GSTCD: variants seen among roughly 807,000 people sequenced by gnomAD.
The protein encoded by GSTCD is glutathione S-transferase C-terminal domain-containing protein.
A neutral mutation model predicts 68.3 loss-of-function variants in GSTCD; 44 were observed. The ratio of observed to expected loss-of-function variants is 0.64; its 90% CI spans 0.51 to 0.83. GSTCD has a LOEUF of 0.83. Ranked by LOEUF, GSTCD falls within the 40% of genes least tolerant of loss-of-function variation. The pLI, the probability that GSTCD is intolerant of heterozygous loss-of-function variation, is 0.00. For missense variants in GSTCD, 739 were observed against 735.9 expected, an observed-to-expected ratio of 1.00 and a Z score of -0.05; for synonymous variants, 273 against 255.2, an observed-to-expected ratio of 1.07 and a Z score of -0.67.
At chr4:105,717,405 A>G (rs1436469923) in intron 1 of GSTCD, among the ~76,000 whole-genome samples, 188 bp from the exon 2 acceptor site, 1 of 152,176 alleles carries the variant, frequency 6.6e-6, no homozygotes. Context: ...ATGCTAGTTA[A>G]TTGCACAGGG....
intron 11 of GSTCD, 72 bp downstream of exon 11, chr4:105,842,206 A>G: frequency 8.2e-7 from 1 of 1,215,808 alleles, no homozygotes; most frequent in Non-Finnish European, 1.2e-6. Context: ...GACCAAGTCT[A>G]TATGGGAAAA....
chr4:105,758,357 C>T lies in GSTCD; in HGVS notation c.1240+28858C>T, dbSNP rs555408312. On this transcript the variant is annotated intron_variant, in intron 5 of 11. Transcript: ENST00000515279. ...TAATCCCCAGTGCTGGAGGTGGGGC[C>T]TGGTGGGAGGCGTTTGGGTCATAGG... 2.6e-5 allele frequency among the ~76,000 whole-genome samples: 4 copies of T among 152,236 alleles called. No homozygotes were observed. The South Asian group carries it at 8.3e-4, about 32-fold the overall frequency.
intron 8 of GSTCD, among the ~76,000 whole-genome samples, chr4:105,827,647 C>A (rs777722287): frequency 1.3e-4 from 20 of 151,718 alleles, no homozygotes; most frequent in Admixed American, 3.9e-4. Flanking sequence ...AGTATACACA[C>A]AAAAAAATTT....
intron 5 of GSTCD, among the ~76,000 whole-genome samples, chr4:105,790,663 C>T (rs1345794546): frequency 1.3e-5 from 2 of 151,878 alleles, no homozygotes; most frequent in African/African-American, 2.4e-5. Flanking sequence ...AAAAAGCAAA[C>T]GGCAGCAGTA....
At chr4:105,834,721 G>A in intron 9 of GSTCD, 127 bp downstream of exon 9, 1 of 741,194 alleles carries the variant, frequency 1.3e-6, no homozygotes, top group Non-Finnish European at 2.1e-6. Flanking sequence ...GCCAAATATT[G>A]TTTGTAAATT....
chr4:105,763,833 T>C (rs1235811553), intron 5 of GSTCD, among the ~76,000 whole-genome samples: 1 of 152,134 alleles, frequency 6.6e-6, no homozygotes, highest in Non-Finnish European at 1.5e-5. Flanking sequence ...TGCTTTTACA[T>C]TGAATCAAAA....
chr4:105,764,394 T>A (rs1157134538), intron 5 of GSTCD, among the ~76,000 whole-genome samples: 1 of 152,168 alleles, frequency 6.6e-6, no homozygotes, highest in East Asian at 1.9e-4. Context: ...TGCAACAGAT[T>A]TAGAGAAAGA....
chr4:105,845,994 T>A lies in GSTCD; in HGVS notation c.*417T>A, dbSNP rs897839075. ...GGAACTGAAAGTAGACTCAGTGGAG[T>A]TTTTTGTTTTTTATATTTTTAACAA... On this transcript the variant is annotated 3_prime_UTR_variant, in exon 12 of 12. Transcript: ENST00000515279. 2.5e-5 allele frequency: 4 copies of A among 158,836 alleles called. No homozygotes were observed. Among genetic ancestry groups the A allele is most frequent in the African/African-American group, 9.6e-5 (4 of 41,532 alleles). The allele number at this position is 158,836 out of a possible 1,614,324, so 9.8% of individuals were successfully genotyped here.
Position 105,761,250 on chromosome 4 carries a change from C to T in GSTCD, c.1240+31751C>T, listed in dbSNP as rs202102803. ...AACTCCTGACCTCAAGTGATCCAGC[C>T]GCCTCAGCCTCCCAAAGTGCCAGGA... On this transcript the variant is annotated intron_variant, in intron 5 of 11. Coordinates refer to ENST00000515279, the MANE Select transcript of GSTCD (RefSeq NM_001370181.1). 2.9e-4 allele frequency: 48 copies of T among 165,708 alleles called. 1 individual carries two copies. The East Asian group carries it at 7.6e-3, about 26-fold the overall frequency. 10.3% of individuals were successfully genotyped at this position (165,708 alleles called of 1,614,324 possible).
intron 5 of GSTCD, among the ~76,000 whole-genome samples, chr4:105,790,419 G>A (rs1053210623): frequency 1.3e-5 from 2 of 152,050 alleles, no homozygotes; most frequent in African/African-American, 2.4e-5. Flanking sequence ...AGGGAGGATC[G>A]CTTGAGGCCA....
chr4:105,789,404 G>C (rs1735581361), intron 5 of GSTCD, among the ~76,000 whole-genome samples: 1 of 152,004 alleles, frequency 6.6e-6, no homozygotes, highest in South Asian at 2.1e-4. Flanking sequence ...TGTGTAGGCT[G>C]GGCTGTGGTC....
chr4:105,715,679 T>A, intron 1 of GSTCD, among the ~76,000 whole-genome samples: 1 of 126,168 alleles, frequency 7.9e-6, no homozygotes, highest in Non-Finnish European at 1.7e-5. Flanking sequence ...CAGATTTTTT[T>A]AAAAAAGGGA....
In GSTCD at chr4:105,829,204, A is replaced by G. The variant is rs188093490; in HGVS notation, c.1530+3404A>G. On this transcript the variant is annotated intron_variant, in intron 8 of 11. Transcript: ENST00000515279. ...GCTATAATTAAAAAAAAAAAAAAAA[A>G]AAAGAAAGGCACCTATCCAGGCTTT... is the stretch of plus-strand genomic sequence containing the variant. 4.3e-3 allele frequency among the ~76,000 whole-genome samples: 658 copies of G among 151,684 alleles called. 2 individuals are homozygous for G. Among genetic ancestry groups the G allele is most frequent in the Middle Eastern group, 0.021 (6 of 292 alleles).
intron 5 of GSTCD, among the ~76,000 whole-genome samples, chr4:105,754,970 A>G (rs985533917): frequency 6.9e-6 from 1 of 145,974 alleles, no homozygotes; most frequent in Non-Finnish European, 1.5e-5. Context: ...CTGTAATCCC[A>G]GCACTTTGGG....
intron 5 of GSTCD, among the ~76,000 whole-genome samples, chr4:105,732,901 T>C (rs1015739908): frequency 3.9e-5 from 6 of 152,150 alleles, no homozygotes; most frequent in Non-Finnish European, 7.4e-5. Context: ...TCTTTGTTCT[T>C]ATTGGTTTCA....
In GSTCD at chr4:105,845,124, T is replaced by C. The variant is rs185990007; in HGVS notation, c.1766-317T>C. On this transcript the variant is annotated intron_variant, in intron 11 of 11. Coordinates refer to ENST00000515279, the MANE Select transcript of GSTCD (RefSeq NM_001370181.1). The stretch of plus-strand genomic sequence containing the variant: ...TTTTATAGGGAAAGCAGAGAAAAGG[T>C]CTTTAAATGTATTTTTAACCAAAGT... 4.0e-3 allele frequency among the ~76,000 whole-genome samples: 613 copies of C among 152,306 alleles called. 2 individuals carry two copies. The highest frequency in any genetic ancestry group is 4.5e-3 in the Admixed American group (69 of 15,290).
At chr4:105,791,342 G>A (rs1477191499) in intron 5 of GSTCD, among the ~76,000 whole-genome samples, 2 of 148,310 alleles carry the variant, frequency 1.3e-5, no homozygotes, top group Non-Finnish European at 3.0e-5. Flanking sequence ...GCAGTGAGCC[G>A]AGATCGCGCC....
chr4:105,827,493 G>A (rs1268512370), intron 8 of GSTCD, among the ~76,000 whole-genome samples: 1 of 152,044 alleles, frequency 6.6e-6, no homozygotes, highest in Non-Finnish European at 1.5e-5. Flanking sequence ...TATAGAAAAT[G>A]GATTAAAATT....
Position 105,830,940 on chromosome 4 carries a change from T to A in GSTCD, c.1531-3521T>A, listed in dbSNP as rs185437416. 5.6e-3 allele frequency among the ~76,000 whole-genome samples: 853 copies of A among 152,248 alleles called. 4 individuals carry two copies. The highest frequency in any genetic ancestry group is 8.9e-3 in the Non-Finnish European group (604 of 68,018). On this transcript the variant is annotated intron_variant, in intron 8 of 11. Transcript: ENST00000515279. ...CCTAGTAGAAAGATAATAAATAATG[T>A]CTAATATTTACAAATCAAGAGATAT...
Sources: gnomAD v4.1 joint callset for allele counts (sites outside exome capture counted in the v4.1 genomes callset) on GRCh38, gnomAD v4.1.1 for gene constraint, MANE v1.5 for transcripts, NCBI Gene and HGNC (gene_info 2026-07-23, HGNC 2026-07-21) for gene names.